The following ICA1L variants were observed in gnomAD, a reference collection of about 807,000 sequenced individuals.
ICA1L encodes the protein islet cell autoantigen 1 like.
Under a neutral mutation model 61.3 loss-of-function variants are expected in ICA1L, and 50 were observed. The ratio of observed to expected loss-of-function variants is 0.82; its 90% CI spans 0.65 to 1.03. The LOEUF is 1.03. Ranked by LOEUF, ICA1L falls within the 50% of genes least tolerant of loss-of-function variation. The pLI, the probability that ICA1L is intolerant of heterozygous loss-of-function variation, is 0.00. For missense variants in ICA1L, 508 were observed against 556.7 expected (o/e 0.91, Z 0.88); for synonymous variants, 161 against 191.3 (o/e 0.84, Z 1.31).
chr2:202,802,976 C>T (rs1693122916), intron 9 of ICA1L, among the ~76,000 whole-genome samples: 1 of 151,620 alleles, frequency 6.6e-6, no homozygotes, highest in East Asian at 1.9e-4. Context: ...AAATGGAAAA[C>T]AGAAAATACA....
In ICA1L at chr2:202,773,760, A is replaced by G; in HGVS notation, c.*5773T>C. 1 of 1,360,780 alleles carries G rather than the reference A, an allele frequency of 7.3e-7. No individual in the cohort carries two copies. Among genetic ancestry groups the G allele is most frequent in the South Asian group, 1.2e-5 (1 of 85,490 alleles). 84.3% of individuals were successfully genotyped at this position (1,360,780 alleles called of 1,614,324 possible). A position where few individuals can be genotyped will look rare whatever the true frequency, so the allele number is the denominator to read the frequency against. On this transcript the variant is annotated 3_prime_UTR_variant, in exon 13 of 13. Transcript: ENST00000358299. Reference sequence around the variant, plus strand: ...GAGTTTAATAACCATCCAGGTCCAAAGGTGGAAGAATACATACACCGGTAT... The same window carrying G: ...GAGTTTAATAACCATCCAGGTCCAAGGGTGGAAGAATACATACACCGGTAT...
chr2:202,819,481 A>G (rs190476623), intron 5 of ICA1L: 4 of 518,006 alleles, frequency 7.7e-6, no homozygotes, highest in Non-Finnish European at 1.4e-5. Flanking sequence ...AGACAGATTA[A>G]AAAATTAATA....
At chr2:202,807,081 TC>T (rs1227035918) in intron 9 of ICA1L, among the ~76,000 whole-genome samples, 1 of 151,964 alleles carries the variant, frequency 6.6e-6, no homozygotes, top group Non-Finnish European at 1.5e-5. Context: ...AGCCATCATT[TC>T]CCCCCTGTAC....
chr2:202,864,337 G>A (rs953574499), intron 1 of ICA1L, among the ~76,000 whole-genome samples: 11 of 151,790 alleles, frequency 7.2e-5, no homozygotes, highest in Non-Finnish European at 1.2e-4. Flanking sequence ...TCCGCCTCCC[G>A]GGTTCACGCC....
chr2:202,808,860 G>A (rs964945564), intron 9 of ICA1L, among the ~76,000 whole-genome samples: 1 of 152,166 alleles, frequency 6.6e-6, no homozygotes, highest in Non-Finnish European at 1.5e-5. Context: ...AATGACCAAA[G>A]ATTTAGATGA....
At chr2:202,808,236 G>A (rs1693278633) in intron 9 of ICA1L, among the ~76,000 whole-genome samples, 1 of 152,016 alleles carries the variant, frequency 6.6e-6, no homozygotes, top group African/African-American at 2.4e-5. Flanking sequence ...GGCTAAAGGG[G>A]AGCCCACTAC....
intron 10 of ICA1L, among the ~76,000 whole-genome samples, chr2:202,790,928 A>G (rs949959314): frequency 1.3e-5 from 2 of 152,222 alleles, no homozygotes; most frequent in African/African-American, 4.8e-5. Context: ...GAAGCCGACC[A>G]TAAAACTGAT....
At chr2:202,863,144 T>C (rs1305611242) in intron 1 of ICA1L, among the ~76,000 whole-genome samples, 1 of 151,512 alleles carries the variant, frequency 6.6e-6, no homozygotes, top group Non-Finnish European at 1.5e-5. Context: ...ATACAAAAAT[T>C]AGCCGGGTGT....
At chr2:202,830,915 A>G (rs1694000233) in intron 1 of ICA1L, among the ~76,000 whole-genome samples, 1 of 152,196 alleles carries the variant, frequency 6.6e-6, no homozygotes. Flanking sequence ...AGAATCTCGA[A>G]TCATAAAAAA....
At chr2:202,785,686 C>T (rs1692558483) in intron 12 of ICA1L, among the ~76,000 whole-genome samples, 1 of 152,094 alleles carries the variant, frequency 6.6e-6, no homozygotes. Flanking sequence ...CTAGCCCTCC[C>T]AAAGTCCAGG....
chr2:202,834,558 G>A (rs1015110578), intron 1 of ICA1L, among the ~76,000 whole-genome samples: 4 of 152,106 alleles, frequency 2.6e-5, no homozygotes, highest in Admixed American at 6.5e-5. Flanking sequence ...ACACTGGGAG[G>A]TGGAGGTTGC....
At chr2:202,838,591 G>A (rs1694217073) in intron 1 of ICA1L, among the ~76,000 whole-genome samples, 1 of 152,024 alleles carries the variant, frequency 6.6e-6, no homozygotes, top group Admixed American at 6.6e-5. Context: ...TATATATTTA[G>A]GAACTCTGAT....
At chr2:202,780,944 A>G (rs1418983964) in intron 12 of ICA1L, among the ~76,000 whole-genome samples, 1 of 152,208 alleles carries the variant, frequency 6.6e-6, no homozygotes, top group East Asian at 1.9e-4. Flanking sequence ...ACATGAGACT[A>G]AATAGGGGCA....
At chr2:202,862,326 G>A (rs1038708376) in intron 1 of ICA1L, among the ~76,000 whole-genome samples, 6 of 128,754 alleles carry the variant, frequency 4.7e-5, no homozygotes, top group African/African-American at 8.9e-5. Flanking sequence ...GCTGGCACAC[G>A]CCTGTAGTGT....
At chr2:202,857,118 T>C (rs528657825) in intron 1 of ICA1L, among the ~76,000 whole-genome samples, 1 of 152,314 alleles carries the variant, frequency 6.6e-6, no homozygotes, top group Non-Finnish European at 1.5e-5. Context: ...CTTCACAGAA[T>C]TAGAAAAAAC....
chr2:202,811,775 T>C lies in ICA1L; in HGVS notation c.881A>G (p.Asp294Gly). 1.2e-6 allele frequency: 2 copies of C among 1,603,382 alleles called. No individual in the cohort carries two copies. The highest frequency in any genetic ancestry group is 1.7e-6 in the Non-Finnish European group (2 of 1,172,550). Residue 294 changes from aspartate to glycine, a missense_variant, in exon 9 of 13, where the codon GAT (aspartate) becomes GGT (glycine). Transcript: ENST00000358299. ...TTCACTCTCAAAGCTTGCTTCCTCA[T>C]CAGACAAAACTAGCCTGAAGTAAAA... The part of the protein sequence containing the change: ...TEQLNKLVLS[D>G]EEASFESEQA...
intron 1 of ICA1L, among the ~76,000 whole-genome samples, chr2:202,860,632 A>C (rs967661640): frequency 6.6e-6 from 1 of 152,148 alleles, no homozygotes; most frequent in African/African-American, 2.4e-5. Context: ...CATGCCTGTA[A>C]TTCCAGCTAC....
intron 1 of ICA1L, among the ~76,000 whole-genome samples, chr2:202,848,855 C>T (rs894007585): frequency 3.3e-5 from 5 of 152,078 alleles, no homozygotes; most frequent in East Asian, 1.9e-4. Flanking sequence ...GCAAAATGGC[C>T]GAATAGGAAC....
intron 10 of ICA1L, among the ~76,000 whole-genome samples, chr2:202,794,803 GAAAA>G (rs1234502801): frequency 6.6e-6 from 1 of 150,670 alleles, no homozygotes; most frequent in Non-Finnish European, 1.5e-5. Flanking sequence ...AAACCTGTAT[GAAAA>G]AAAAAGTCTG....
Sources: allele counts gnomAD v4.1 joint callset (sites outside exome capture counted in the v4.1 genomes callset), GRCh38; gene constraint gnomAD v4.1.1; transcripts MANE v1.5; gene names NCBI Gene and HGNC (gene_info 2026-07-23, HGNC 2026-07-21).